Variants in P2RY8 observed in about 807,000 individuals in gnomAD.
P2RY8 encodes S-geranylgeranyl-glutathione receptor P2RY8.
P2RY8 carries 6 observed loss-of-function variants against 10.0 expected under a neutral mutation model. That is an observed-to-expected ratio of 0.60 (90% CI 0.33 to 1.19). The LOEUF is 1.19. P2RY8 is among the 50% of genes most tolerant of loss of function. The probability of loss-of-function intolerance (pLI) is 0.04; values close to 1 mark genes in which losing one functional copy is unlikely to be tolerated. For missense variants in P2RY8, 456 were observed against 542.0 expected (o/e 0.84, Z 1.58); for synonymous variants, 276 against 252.5 (o/e 1.09, Z -0.88).
intron 1 of P2RY8, among the ~76,000 whole-genome samples, chrX:1,479,588 A>G (rs1322424556): frequency 3.3e-5 from 5 of 152,246 alleles, no homozygotes; most frequent in African/African-American, 1.2e-4. Context: ...AAAGAAATAA[A>G]TCATAAATAT....
intron 1 of P2RY8, among the ~76,000 whole-genome samples, chrX:1,511,010 C>T (rs373347445): frequency 1.3e-5 from 2 of 151,952 alleles, no homozygotes; most frequent in East Asian, 3.9e-4. Context: ...AACCCCGTCT[C>T]TACTAAAAAA....
chrX:1,517,878 G>T (rs2092362059), intron 1 of P2RY8, among the ~76,000 whole-genome samples: 1 of 151,076 alleles, frequency 6.6e-6, no homozygotes, highest in African/African-American at 2.4e-5. Context: ...AGAGGCTGAG[G>T]TGGGCAGACC....
At chrX:1,525,063 A>G (rs2092431226) in intron 1 of P2RY8, among the ~76,000 whole-genome samples, 1 of 152,226 alleles carries the variant, frequency 6.6e-6, no homozygotes, top group Non-Finnish European at 1.5e-5. Context: ...GTCACCTTGC[A>G]GGGAGTTGTG....
At chrX:1,505,413 C>T (rs1275593682) in intron 1 of P2RY8, among the ~76,000 whole-genome samples, 4 of 152,162 alleles carry the variant, frequency 2.6e-5, no homozygotes, top group Non-Finnish European at 5.9e-5. Context: ...CCAGCAAGGA[C>T]AGGGCTGAAA....
intron 1 of P2RY8, among the ~76,000 whole-genome samples, chrX:1,497,437 C>T (rs768897401): frequency 2.6e-5 from 4 of 151,402 alleles, no homozygotes; most frequent in East Asian, 2.0e-4. Flanking sequence ...GTGGGCAGAT[C>T]GCCTGAGGTT....
chrX:1,526,969 T>C (rs1359578113), intron 1 of P2RY8, among the ~76,000 whole-genome samples: 1 of 152,110 alleles, frequency 6.6e-6, no homozygotes, highest in Non-Finnish European at 1.5e-5. Flanking sequence ...TCTTGGCTCA[T>C]TGCAACATCT....
intron 1 of P2RY8, among the ~76,000 whole-genome samples, chrX:1,504,513 TC>T: frequency 6.6e-6 from 1 of 152,102 alleles, no homozygotes; most frequent in Non-Finnish European, 1.5e-5. Flanking sequence ...ACCATAAGGA[TC>T]CCACGTGCTG....
chrX:1,500,249 T>C (rs1432582340), intron 1 of P2RY8, among the ~76,000 whole-genome samples: 1 of 152,004 alleles, frequency 6.6e-6, no homozygotes, highest in Non-Finnish European at 1.5e-5. Flanking sequence ...TTTGGTGTTA[T>C]TGTTAATGTA....
intron 1 of P2RY8, among the ~76,000 whole-genome samples, chrX:1,521,369 TTC>T (rs1238582906): frequency 6.6e-6 from 1 of 152,074 alleles, no homozygotes. Context: ...ATTTCTAATA[TTC>T]TCTCTGTCCC....
intron 1 of P2RY8, among the ~76,000 whole-genome samples, chrX:1,468,555 C>A (rs1353558621): frequency 1.3e-5 from 2 of 152,090 alleles, no homozygotes; most frequent in African/African-American, 4.8e-5. Flanking sequence ...GCGGTTTGGG[C>A]CCCGCCGGGG....
At chrX:1,521,114 A>G (rs1464398946) in intron 1 of P2RY8, among the ~76,000 whole-genome samples, 8 of 140,676 alleles carry the variant, frequency 5.7e-5, no homozygotes, top group Non-Finnish European at 1.2e-4. Flanking sequence ...AGCTCACTGC[A>G]GCCTCCAACT....
At position 1,517,800 on chromosome X, in the gene P2RY8, A is replaced by G. The variant is rs1282660988; in HGVS notation, c.-25+19121T>C. Among the ~76,000 whole-genome samples, 5 of 152,108 alleles carry G rather than the reference A, an allele frequency of 3.3e-5. No homozygotes were observed. The South Asian group carries it at 6.2e-4, about 19-fold the overall frequency. ...CCCCCAATATTCTCCCTGGTCCTCA[A>G]TATTTTCTGGTTCTTAGTAATCTCT... is the stretch of plus-strand genomic sequence containing the variant. On this transcript the variant is annotated intron_variant, in intron 1 of 1. Transcript: ENST00000381297.
At chrX:1,502,473 G>A (rs1450552257) in intron 1 of P2RY8, among the ~76,000 whole-genome samples, 7 of 152,140 alleles carry the variant, frequency 4.6e-5, no homozygotes, top group African/African-American at 1.4e-4. Context: ...GACCCTGTTT[G>A]CCTCCCGGCA....
intron 1 of P2RY8, among the ~76,000 whole-genome samples, chrX:1,506,666 G>C (rs780706323): frequency 1.3e-5 from 2 of 149,388 alleles, no homozygotes; most frequent in Non-Finnish European, 3.0e-5. Flanking sequence ...TCACTTGCTG[G>C]CCACTTTCTT....
chrX:1,473,820 GT>G (rs2091835387), intron 1 of P2RY8, among the ~76,000 whole-genome samples: 1 of 33,326 alleles, frequency 3.0e-5, no homozygotes, highest in Admixed American at 2.7e-4. Flanking sequence ...GGGTGAGTGG[GT>G]GGGTGGGTGG....
rs2091618904 is a variant in P2RY8 at position 1,463,634 on chromosome X, G to C, written c.*1845C>G. The C allele has an allele frequency of 8.6e-6, 2 of 232,690 alleles. No homozygotes were observed. Among genetic ancestry groups the C allele is most frequent in the Admixed American group, 1.1e-4 (2 of 17,746 alleles). 14.4% of individuals were successfully genotyped at this position (232,690 alleles called of 1,614,324 possible). A position where few individuals can be genotyped will look rare whatever the true frequency, so the allele number is the denominator to read the frequency against. On this transcript the variant is annotated 3_prime_UTR_variant, in exon 2 of 2. Coordinates refer to ENST00000381297, the MANE Select transcript of P2RY8 (RefSeq NM_178129.5). ...AAATCTATAATAATTTCAGGTTCTG[G>C]GCTTTAAAACAAGACATGTCTTTCT...
intron 1 of P2RY8, among the ~76,000 whole-genome samples, chrX:1,482,214 A>AGCT (rs5901179): frequency 0.011 from 1,609 of 149,648 alleles, 14 homozygotes; most frequent in South Asian, 0.016. Flanking sequence ...TCTCAACAGC[A>AGCT]GCAAAATCGG....
intron 1 of P2RY8, among the ~76,000 whole-genome samples, chrX:1,466,865 TC>T (rs2091689086): frequency 2.4e-3 from 1 of 422 alleles, no homozygotes; most frequent in South Asian, 0.5. Flanking sequence ...TCTTCTTCCC[TC>T]CTTCCTTCCT....
Position 1,504,265 on chromosome X carries a change from G to A in P2RY8, c.-25+32656C>T, listed in dbSNP as rs1407406390. ...CGGGAGGCGGAGGTTGCGGTGAGCC[G>A]AGATGGCGCCACTGCACTCCAGCCT... On this transcript the variant is annotated intron_variant, in intron 1 of 1. Transcript: ENST00000381297. 3.3e-5 allele frequency among the ~76,000 whole-genome samples: 5 copies of A among 151,404 alleles called. No homozygotes were observed. In the East Asian group the frequency reaches 7.7e-4, roughly 23 times the overall value.
Sources: gnomAD v4.1 joint callset for allele counts (sites outside exome capture counted in the v4.1 genomes callset) on GRCh38, gnomAD v4.1.1 for gene constraint, MANE v1.5 for transcripts, NCBI Gene and HGNC (gene_info 2026-07-23, HGNC 2026-07-21) for gene names.